CCNB1IP1: variants seen among roughly 807,000 people sequenced by gnomAD.
CCNB1IP1 encodes the protein cyclin B1 interacting protein 1, also known as E3 ubiquitin-protein ligase CCNB1IP1.
In CCNB1IP1, 14 loss-of-function variants were observed where a neutral mutation model predicts 25.6. The ratio of observed to expected loss-of-function variants is 0.55; its 90% confidence interval spans 0.36 to 0.85. The LOEUF is 0.85. CCNB1IP1 is among the 40% of genes least tolerant of loss of function. The pLI, the probability that CCNB1IP1 is intolerant of heterozygous loss-of-function variation, is 0.01. For missense variants in CCNB1IP1, 278 were observed against 342.4 expected, an observed-to-expected ratio of 0.81 and a Z score of 1.48; for synonymous variants, 119 against 116.1, an observed-to-expected ratio of 1.02 and a Z score of -0.16.
intron 5 of CCNB1IP1, chr14:20,315,467 G>T: frequency 9.0e-7 from 1 of 1,111,430 alleles, no homozygotes; most frequent in Non-Finnish European, 1.1e-6. Flanking sequence ...AGAGGAGCAT[G>T]TAAGAGAAAC....
Position 20,326,057 on chromosome 14 carries a change from C to T in CCNB1IP1, c.-152-404G>A, listed in dbSNP as rs71410228. Among the ~76,000 whole-genome samples the T allele has an allele frequency of 7.8e-3, 1,191 of 152,234 alleles. 8 individuals are homozygous for T. The highest frequency in any genetic ancestry group is 0.014 in the Non-Finnish European group (930 of 68,002). On this transcript the variant is annotated intron_variant, in intron 3 of 6. Transcript: ENST00000358932. ...TATTTCAATAAACATAAAACTGTAT[C>T]ATAACTTTTAAGTGATTCTATAGTG...
rs1883139851 is a variant in CCNB1IP1 at position 20,328,375 on chromosome 14, A to G, written c.-231+799T>C. ...GGAAAGAAACTGAAGCATTTTAAATATCTCAGACAGATATGATCAAAATGT... is the reference window on the plus strand; with the variant it reads ...GGAAAGAAACTGAAGCATTTTAAATGTCTCAGACAGATATGATCAAAATGT... On this transcript the variant is annotated intron_variant, in intron 2 of 6. Coordinates refer to ENST00000358932, the MANE Select transcript of CCNB1IP1 (RefSeq NM_021178.5). Among the ~76,000 whole-genome samples the G allele has an allele frequency of 3.9e-5, 6 of 152,358 alleles. No individual in the cohort carries two copies. In the Middle Eastern group the frequency reaches 0.014, roughly 345 times the overall value.
At chr14:20,331,346 CAA>C (rs1883228527) in intron 1 of CCNB1IP1, among the ~76,000 whole-genome samples, 1 of 152,176 alleles carries the variant, frequency 6.6e-6, no homozygotes, top group African/African-American at 2.4e-5. Flanking sequence ...CCACTCAAAC[CAA>C]AGTGGGCAAA....
intron 4 of CCNB1IP1, among the ~76,000 whole-genome samples, chr14:20,324,249 C>A (rs1325401967): frequency 6.6e-6 from 1 of 152,126 alleles, no homozygotes; most frequent in African/African-American, 2.4e-5. Context: ...TGCAGTGGTG[C>A]GATCTCAGCT....
At chr14:20,327,421 G>A (rs1883109644) in intron 2 of CCNB1IP1, among the ~76,000 whole-genome samples, 1 of 151,420 alleles carries the variant, frequency 6.6e-6, no homozygotes, top group African/African-American at 2.4e-5. Flanking sequence ...CTTTATATAG[G>A]AAAATTGAAT....
intron 1 of CCNB1IP1, among the ~76,000 whole-genome samples, chr14:20,331,648 G>A (rs1883237023): frequency 6.6e-6 from 1 of 151,934 alleles, no homozygotes; most frequent in Admixed American, 6.6e-5. Context: ...ATAAATTATA[G>A]TAGGTACATA....
chr14:20,331,045 C>G (rs887340657), intron 1 of CCNB1IP1, among the ~76,000 whole-genome samples: 2 of 152,200 alleles, frequency 1.3e-5, no homozygotes, highest in South Asian at 2.1e-4. Flanking sequence ...ACCTAAAAAA[C>G]CGGAACTAAG....
intron 4 of CCNB1IP1, chr14:20,320,358 T>C (rs1212926055): frequency 4.4e-6 from 2 of 455,886 alleles, no homozygotes; most frequent in Non-Finnish European, 8.8e-6. Flanking sequence ...ACAACTTCAG[T>C]ATTTGATGGA....
intron 5 of CCNB1IP1, chr14:20,315,568 A>G: frequency 1.6e-6 from 2 of 1,274,122 alleles, no homozygotes; most frequent in Non-Finnish European, 2.0e-6. Context: ...ATAACAATAC[A>G]TTCAAGGACA....
At chr14:20,324,818 T>C (rs545645641) in intron 4 of CCNB1IP1, among the ~76,000 whole-genome samples, 1 of 152,012 alleles carries the variant, frequency 6.6e-6, no homozygotes, top group South Asian at 2.1e-4. Context: ...CTTCTCAACA[T>C]CTTTAATTGA....
In CCNB1IP1 at chr14:20,311,632, C is replaced by T; in HGVS notation, c.752G>A (p.Ser251Asn). 6.2e-7 allele frequency: 1 copy of T among 1,614,078 alleles called. No homozygotes were observed. The highest frequency in any genetic ancestry group is 8.5e-7 in the Non-Finnish European group (1 of 1,180,006). The change falls in exon 7 of 7, where the codon AGC becomes AAC. Residue 251 changes from serine to asparagine, a missense_variant. Physicochemically the swap from Ser to Asn is conservative, Grantham distance 46 (BLOSUM62 1). Transcript: ENST00000358932. ...ACTTGGAGAGACAAAACTAAAAAAG[C>T]TGTTGCTGGGTTCAGGTGCTGTGGG... ...GSPTAPEPSN[S>N]FFSFVSPSRE...
intron 4 of CCNB1IP1, among the ~76,000 whole-genome samples, chr14:20,324,685 A>G (rs6575167): frequency 0.085 from 12,918 of 152,236 alleles, 913 homozygotes; most frequent in African/African-American, 0.19. Context: ...GCCATCCTCT[A>G]AAATATAAAA....
At chr14:20,321,444 C>A (rs1364923620) in intron 4 of CCNB1IP1, among the ~76,000 whole-genome samples, 1 of 143,350 alleles carries the variant, frequency 7.0e-6, no homozygotes, top group African/African-American at 2.8e-5. Flanking sequence ...ATCGATGAAG[C>A]AATTTCAAGA....
At chr14:20,323,694 C>G (rs1314231966) in intron 4 of CCNB1IP1, among the ~76,000 whole-genome samples, 1 of 151,692 alleles carries the variant, frequency 6.6e-6, no homozygotes, top group Non-Finnish European at 1.5e-5. Context: ...TTTGGGAGGC[C>G]GAGGCGGGTG....
intron 4 of CCNB1IP1, among the ~76,000 whole-genome samples, chr14:20,320,907 GT>G (rs1882872509): frequency 1.3e-5 from 2 of 151,794 alleles, no homozygotes; most frequent in African/African-American, 4.8e-5. Context: ...GGGGGTCAAG[GT>G]GGGTGGATCA....
At chr14:20,327,513 C>A (rs755810494) in intron 2 of CCNB1IP1, among the ~76,000 whole-genome samples, 2 of 150,144 alleles carry the variant, frequency 1.3e-5, no homozygotes, top group Non-Finnish European at 3.0e-5. Context: ...CCAGCATTTG[C>A]GTGTCATCTG....
At chr14:20,322,132 A>T (rs540321199) in intron 4 of CCNB1IP1, among the ~76,000 whole-genome samples, 2 of 152,374 alleles carry the variant, frequency 1.3e-5, no homozygotes, top group African/African-American at 4.8e-5. Context: ...TATTCCTCAC[A>T]TAAATAGATT....
intron 6 of CCNB1IP1, among the ~76,000 whole-genome samples, chr14:20,312,100 CTAAAG>C (rs1196578169): frequency 6.6e-6 from 1 of 152,032 alleles, no homozygotes; most frequent in African/African-American, 2.4e-5. Context: ...GACCAAATAA[CTAAAG>C]GAAAATGCTG....
intron 5 of CCNB1IP1, among the ~76,000 whole-genome samples, chr14:20,315,090 CAAAAAAAAA>C (rs546805664): frequency 4.1e-5 from 1 of 24,336 alleles, no homozygotes; most frequent in East Asian, 1.1e-3. Flanking sequence ...GACTCCGTCT[CAAAAAAAAA>C]AAAAAAAAAA....
Sources: allele counts gnomAD v4.1 joint callset (sites outside exome capture counted in the v4.1 genomes callset), GRCh38; gene constraint gnomAD v4.1.1; transcripts MANE v1.5; gene names NCBI Gene and HGNC (gene_info 2026-07-23, HGNC 2026-07-21).